The following BMP6 variants were observed in gnomAD, a reference collection of about 807,000 sequenced individuals.
BMP6 encodes the protein VG-1-R.
BMP6 carries 17 observed loss-of-function variants against 54.1 expected under a neutral mutation model. The ratio of observed to expected loss-of-function variants is 0.31; its 90% CI spans 0.22 to 0.47. The LOEUF is 0.47. BMP6 is among the 20% of genes least tolerant of loss of function. The pLI is 1.00. For missense variants in BMP6, 720 were observed against 690.4 expected, an observed-to-expected ratio of 1.04 and a Z score of -0.48; for synonymous variants, 328 against 291.2, an observed-to-expected ratio of 1.13 and a Z score of -1.28.
chr6:7,742,042 C>T (rs1212450145), intron 1 of BMP6, among the ~76,000 whole-genome samples: 1 of 152,222 alleles, frequency 6.6e-6, no homozygotes, highest in Non-Finnish European at 1.5e-5. Context: ...CTTCCATTCT[C>T]TCATTACAAA....
At position 7,843,311 on chromosome 6, in the gene BMP6, T is replaced by C. The variant is rs561506776; in HGVS notation, c.665-1829T>C. On this transcript the variant is annotated intron_variant, in intron 1 of 6. Coordinates refer to ENST00000283147, the MANE Select transcript of BMP6 (RefSeq NM_001718.6). Reference sequence around the variant, plus strand: ...CGAATCTAAAAAATGTGTTGTGTAATTACATGGCAGTTTCAGAAATTCTTT... The same window carrying C: ...CGAATCTAAAAAATGTGTTGTGTAACTACATGGCAGTTTCAGAAATTCTTT... 1.2e-4 allele frequency among the ~76,000 whole-genome samples: 19 copies of C among 152,070 alleles called. No homozygotes were observed. The South Asian group carries it at 3.9e-3, about 32-fold the overall frequency.
intron 1 of BMP6, among the ~76,000 whole-genome samples, chr6:7,834,470 A>C (rs1331228706): frequency 1.3e-5 from 2 of 152,064 alleles, no homozygotes; most frequent in African/African-American, 4.8e-5. Flanking sequence ...ATATATGACA[A>C]TTTACCATTG....
At chr6:7,778,463 G>A (rs80002157) in intron 1 of BMP6, among the ~76,000 whole-genome samples, 261 of 135,614 alleles carry the variant, frequency 1.9e-3, no homozygotes, top group African/African-American at 6.4e-3. Context: ...AGCAATGGCA[G>A]AGTCCACATG....
At chr6:7,743,430 G>A (rs9505270) in intron 1 of BMP6, among the ~76,000 whole-genome samples, 43,311 of 152,096 alleles carry the variant, frequency 0.28, 6,273 homozygotes, top group Admixed American at 0.35. Context: ...CAATCTAACT[G>A]GGGCACTGCT....
chr6:7,727,246 C>T lies in BMP6; in HGVS notation c.291C>T (p.His97=), dbSNP rs754534061. Residue 97 remains histidine (H), a synonymous_variant, in exon 1 of 7, where the codon CAC becomes CAT. Coordinates refer to ENST00000283147, the MANE Select transcript of BMP6 (RefSeq NM_001718.6). ...LGLPHRPRPL[H]GLQQPQPPAL... ...TCCCGCACCGGCCCCGGCCCCTGCA[C>T]GGCCTCCAACAGCCGCAGCCCCCGG... is the stretch of plus-strand genomic sequence containing the variant. The T allele has an allele frequency of 5.6e-6, 9 of 1,605,844 alleles. No individual in the cohort carries two copies. The highest frequency in any genetic ancestry group is 3.4e-5 in the Admixed American group (2 of 59,372).
chr6:7,791,446 T>A (rs1014189294), intron 1 of BMP6, among the ~76,000 whole-genome samples: 10 of 152,142 alleles, frequency 6.6e-5, no homozygotes, highest in Non-Finnish European at 1.5e-5. Flanking sequence ...ACCTCTACAG[T>A]CACTGCCTCT....
chr6:7,867,746 G>A (rs1408071368), intron 4 of BMP6, among the ~76,000 whole-genome samples: 2 of 152,172 alleles, frequency 1.3e-5, no homozygotes, highest in African/African-American at 2.4e-5. Context: ...TAGACATGGA[G>A]GACAGTCATG....
intron 1 of BMP6, among the ~76,000 whole-genome samples, chr6:7,792,946 G>A (rs1561773690): frequency 6.6e-6 from 1 of 152,174 alleles, no homozygotes; most frequent in South Asian, 2.1e-4. Flanking sequence ...ATATAGTTAC[G>A]TGTTTTTTTC....
intron 1 of BMP6, among the ~76,000 whole-genome samples, chr6:7,746,296 T>C (rs1757346081): frequency 6.6e-6 from 1 of 152,162 alleles, no homozygotes; most frequent in African/African-American, 2.4e-5. Flanking sequence ...TTGGACTTTA[T>C]TTTGTAGGCA....
At position 7,861,548 on chromosome 6, in the gene BMP6, G is replaced by C. The variant is rs753332621; in HGVS notation, c.955G>C (p.Val319Leu). 1 of 1,614,092 alleles carries C rather than the reference G, an allele frequency of 6.2e-7. No individual in the cohort carries two copies. Among genetic ancestry groups the C allele is most frequent in the Admixed American group, 1.7e-5 (1 of 60,010 alleles). The change falls in exon 3 of 7, where the codon GTG becomes CTG. Residue 319 changes from valine (V) to leucine (L), a missense_variant. Coordinates refer to ENST00000283147, the MANE Select transcript of BMP6 (RefSeq NM_001718.6). The stretch of plus-strand genomic sequence containing the variant: ...CACGGCCACTAGCAATCTGTGGGTT[G>C]TGACTCCACAGCATAACATGGGGCT... Reference protein sequence around the residue: ...DITATSNLWVVTPQHNMGLQL... With the variant: ...DITATSNLWVLTPQHNMGLQL...
At chr6:7,875,309 G>A (rs934730599) in intron 4 of BMP6, among the ~76,000 whole-genome samples, 52 of 152,132 alleles carry the variant, frequency 3.4e-4, no homozygotes, top group African/African-American at 1.2e-3. Context: ...GTGAGGGCAG[G>A]TCTATTTTAC....
intron 1 of BMP6, among the ~76,000 whole-genome samples, chr6:7,743,344 C>T (rs1047424337): frequency 1.3e-5 from 2 of 152,184 alleles, no homozygotes; most frequent in Admixed American, 1.3e-4. Flanking sequence ...TGTGTCTTGA[C>T]AATCGAAATA....
At chr6:7,875,218 C>G (rs1192648206) in intron 4 of BMP6, among the ~76,000 whole-genome samples, 1 of 151,984 alleles carries the variant, frequency 6.6e-6, no homozygotes, top group East Asian at 1.9e-4. Flanking sequence ...TGACCCAGCT[C>G]GATAAAAGAG....
chr6:7,868,378 C>A (rs1387311451), intron 4 of BMP6, among the ~76,000 whole-genome samples: 3 of 152,146 alleles, frequency 2.0e-5, no homozygotes, highest in Non-Finnish European at 2.9e-5. Context: ...CCAGTGTGGT[C>A]CCTGGCCTCC....
intron 1 of BMP6, among the ~76,000 whole-genome samples, chr6:7,775,804 A>G (rs1757854131): frequency 6.6e-6 from 1 of 152,222 alleles, no homozygotes; most frequent in Admixed American, 6.6e-5. Flanking sequence ...ATCAACTCCA[A>G]TGACTTAGTT....
At chr6:7,776,254 A>G (rs906737235) in intron 1 of BMP6, among the ~76,000 whole-genome samples, 7 of 152,254 alleles carry the variant, frequency 4.6e-5, no homozygotes, top group Non-Finnish European at 1.0e-4. Flanking sequence ...CAGAACTTCC[A>G]TCACTGCCTC....
At chr6:7,848,042 TA>T (rs1759091685) in intron 2 of BMP6, among the ~76,000 whole-genome samples, 1 of 152,214 alleles carries the variant, frequency 6.6e-6, no homozygotes, top group African/African-American at 2.4e-5. Flanking sequence ...AAATCTGACT[TA>T]ACTGACTCCA....
Position 7,775,654 on chromosome 6 carries a change from A to G in BMP6, c.664+48035A>G, listed in dbSNP as rs546527551. Among the ~76,000 whole-genome samples the G allele has an allele frequency of 2.6e-4, 39 of 152,306 alleles. No individual in the cohort carries two copies. The East Asian group carries it at 7.3e-3, about 29-fold the overall frequency. On this transcript the variant is annotated intron_variant, in intron 1 of 6. Coordinates refer to ENST00000283147, the MANE Select transcript of BMP6 (RefSeq NM_001718.6). ...GGACCGGGTTCATGTCCCCAGTTGT[A>G]GAATGTGGTAAGGTCAGCTCTCTGA...
chr6:7,829,622 C>A (rs543065574), intron 1 of BMP6, among the ~76,000 whole-genome samples: 1 of 152,264 alleles, frequency 6.6e-6, no homozygotes, highest in East Asian at 1.9e-4. Context: ...AGGAGGATTG[C>A]TTGGGCCCAG....
Sources: allele counts gnomAD v4.1 joint callset (sites outside exome capture counted in the v4.1 genomes callset), GRCh38; gene constraint gnomAD v4.1.1; transcripts MANE v1.5; gene names NCBI Gene and HGNC (gene_info 2026-07-23, HGNC 2026-07-21).